Variants in FHAD1 observed in about 807,000 individuals in gnomAD.
FHAD1 encodes the protein forkhead-associated domain-containing protein 1.
In FHAD1, 146 loss-of-function variants were observed where a neutral mutation model predicts 191.3. The observed-to-expected ratio is 0.76, with a 90% CI of 0.67 to 0.88. FHAD1 has a LOEUF of 0.88. FHAD1 is among the 40% of genes least tolerant of loss of function. The pLI is 0.00. For synonymous variants in FHAD1, 616 were observed against 672.3 expected (o/e 0.92, Z 1.29); for missense variants, 1,635 against 1,785.8 (o/e 0.92, Z 1.52).
At chr1:15,317,798 G>T in intron 9 of FHAD1, 26 bp from the exon 10 acceptor site, 1 of 1,521,842 alleles carries the variant, frequency 6.6e-7, no homozygotes, top group Non-Finnish European at 8.9e-7. Flanking sequence ...CATCAGGGAG[G>T]TTCACTCTTG....
chr1:15,353,963 C>A (rs1241282007), intron 20 of FHAD1, among the ~76,000 whole-genome samples: 2 of 152,078 alleles, frequency 1.3e-5, no homozygotes, highest in African/African-American at 4.8e-5. Flanking sequence ...TCGCCTGAGT[C>A]CCAGCAGTAC....
chr1:15,398,570 T>C (rs1706680545), downstream of FHAD1, among the ~76,000 whole-genome samples: 1 of 152,074 alleles, frequency 6.6e-6, no homozygotes, highest in South Asian at 2.1e-4. Flanking sequence ...TCCATTCGGA[T>C]ACACCAGATG....
chr1:15,267,714 A>C (rs1484227538), intron 2 of FHAD1, among the ~76,000 whole-genome samples: 2 of 150,774 alleles, frequency 1.3e-5, no homozygotes, highest in Non-Finnish European at 2.9e-5. Flanking sequence ...CATTTCATCT[A>C]AGTTATCAAA....
chr1:15,368,568 C>T (rs905219096), intron 25 of FHAD1, among the ~76,000 whole-genome samples: 1 of 152,182 alleles, frequency 6.6e-6, no homozygotes, highest in South Asian at 2.1e-4. Context: ...TATCTGGTAG[C>T]TTTGTGTGCC....
chr1:15,251,784 G>T lies in FHAD1; in HGVS notation c.-1G>T, dbSNP rs146550512. The T allele has an allele frequency of 2.3e-4, 362 of 1,551,376 alleles. No individual in the cohort carries two copies. In the African/African-American group the frequency reaches 4.4e-3, roughly 19 times the overall value. ...AACCTTATGTAGGGAAAACAGAGAG[G>T]ATGAAGGCCTATCTAAAGAGCGCAG... is the stretch of plus-strand genomic sequence containing the variant. On this transcript the variant is annotated 5_prime_UTR_variant, in exon 2 of 34. Transcript: ENST00000688493.
In FHAD1 at chr1:15,345,496, G is replaced by A. The variant is rs951452849; in HGVS notation, c.2319G>A (p.Leu773=). ...LEEEQTRVQE[L]EERLARQKEV... ...AAGAGCAGACAAGAGTCCAAGAGCT[G>A]GAGGAACGCTTGGCCCGCCAGAAGG... The change falls in exon 18 of 34, where the codon CTG becomes CTA. Residue 773 remains leucine, a synonymous_variant. Coordinates refer to ENST00000688493, the MANE Select transcript of FHAD1 (RefSeq NM_001391957.1). The A allele has an allele frequency of 6.4e-7, 1 of 1,552,164 alleles. No homozygotes were observed. Among genetic ancestry groups the A allele is most frequent in the Non-Finnish European group, 8.7e-7 (1 of 1,147,090 alleles).
chr1:15,302,192 G>A (rs555447155), intron 6 of FHAD1, among the ~76,000 whole-genome samples: 30 of 152,242 alleles, frequency 2.0e-4, no homozygotes, highest in Middle Eastern at 3.4e-3. Flanking sequence ...CAGTAACCGC[G>A]TCTCACCCAA....
chr1:15,272,661 A>G, intron 3 of FHAD1, 132 bp downstream of exon 3: 1 of 815,170 alleles, frequency 1.2e-6, no homozygotes, highest in Non-Finnish European at 1.9e-6. Flanking sequence ...GGCAGCAGAG[A>G]CAGAGTGGAC....
intron 33 of FHAD1, among the ~76,000 whole-genome samples, chr1:15,393,780 T>G (rs551339769): frequency 6.6e-6 from 1 of 152,150 alleles, no homozygotes; most frequent in Non-Finnish European, 1.5e-5. Context: ...TTTTTTTTTT[T>G]TTAAGTAAAT....
Position 15,331,636 on chromosome 1 carries a change from CAGGAAGGCAGGA to C in FHAD1, c.1906+2108_1906+2119del, listed in dbSNP as rs1271395210. Among the ~76,000 whole-genome samples, 365 of 139,780 alleles carry C rather than the reference CAGGAAGGCAGGA, an allele frequency of 2.6e-3. 1 individual carries two copies. Among genetic ancestry groups the C allele is most frequent in the East Asian group, 0.026 (123 of 4,808 alleles). The allele number at this position is 139,780 out of a possible 152,430, so 91.7% of individuals were successfully genotyped here. On this transcript the variant is annotated intron_variant, in intron 14 of 33. Transcript: ENST00000688493. ...GGTGGATGAATGGATGGATAGAAGA[CAGGAAGGCAGGA>C]AGGAAGGCAGGAGGGAAGGCAGGAG... is the stretch of plus-strand genomic sequence containing the variant.
At chr1:15,295,073 C>T (rs895047625) in intron 4 of FHAD1, among the ~76,000 whole-genome samples, 4 of 152,120 alleles carry the variant, frequency 2.6e-5, no homozygotes, top group East Asian at 1.9e-4. Flanking sequence ...CTTTTTAAAA[C>T]GTAACACTGC....
chr1:15,375,574 CTTTT>C, intron 27 of FHAD1, 25 bp from the exon 28 acceptor site: 4 of 1,499,134 alleles, frequency 2.7e-6, no homozygotes, highest in Non-Finnish European at 3.5e-6. Context: ...CTGAGCCTTT[CTTTT>C]GAGTCTACTT....
intron 20 of FHAD1, 124 bp downstream of exon 20, chr1:15,353,108 A>ACCTTACCATCTCTGTG: frequency 1.5e-6 from 1 of 663,860 alleles, no homozygotes; most frequent in Non-Finnish European, 2.7e-6. Flanking sequence ...TCAGGCTAGT[A>ACCTTACCATCTCTGTG]CCTTACCATC....
chr1:15,317,696 C>T (rs1674933212), intron 9 of FHAD1, 128 bp from the exon 10 acceptor site: 1 of 623,002 alleles, frequency 1.6e-6, no homozygotes, highest in Non-Finnish European at 2.8e-6. Flanking sequence ...ATTAAATAAG[C>T]TGATACCAGA....
intron 5 of FHAD1, 23 bp downstream of exon 5, chr1:15,296,816 G>A: frequency 1.3e-6 from 2 of 1,539,598 alleles, no homozygotes; most frequent in South Asian, 1.2e-5. Flanking sequence ...TCTGGGGAAG[G>A]GTGGAGCTGC....
At chr1:15,246,530 G>A (rs543529879), upstream of FHAD1, among the ~76,000 whole-genome samples, 3 of 145,128 alleles carry the variant, frequency 2.1e-5, no homozygotes, top group Non-Finnish European at 4.6e-5. Flanking sequence ...ACTCCATCCC[G>A]CGAGTCCTGT....
chr1:15,267,154 A>G (rs532611845), intron 2 of FHAD1, among the ~76,000 whole-genome samples: 23 of 152,364 alleles, frequency 1.5e-4, no homozygotes, highest in African/African-American at 5.3e-4. Context: ...AAATAAGCAT[A>G]TGAAAAGATT....
intron 23 of FHAD1, among the ~76,000 whole-genome samples, chr1:15,363,082 G>T (rs1695318408): frequency 6.6e-6 from 1 of 152,202 alleles, no homozygotes; most frequent in South Asian, 2.1e-4. Flanking sequence ...ATAAAGAAAA[G>T]AGATTCATTT....
chr1:15,372,579 C>T (rs911411144), intron 26 of FHAD1, among the ~76,000 whole-genome samples: 3 of 152,186 alleles, frequency 2.0e-5, no homozygotes, highest in African/African-American at 4.8e-5. Flanking sequence ...GAACAGTGTC[C>T]GGCATGCAGC....
Sources: gnomAD v4.1 joint callset for allele counts (sites outside exome capture counted in the v4.1 genomes callset) on GRCh38, gnomAD v4.1.1 for gene constraint, MANE v1.5 for transcripts, NCBI Gene and HGNC (gene_info 2026-07-23, HGNC 2026-07-21) for gene names.